The following RGS17 variants were observed in gnomAD, a reference collection of about 807,000 sequenced individuals.
RGS17 encodes regulator of G-protein signaling 17.
Under a neutral mutation model 25.5 loss-of-function variants are expected in RGS17, and 12 were observed. That is an observed-to-expected ratio of 0.47 (90% confidence interval 0.30 to 0.76). The LOEUF (loss-of-function observed/expected upper bound fraction) is 0.76, where lower values mean the gene tolerates loss of function less well. Among genes scored for constraint, RGS17 ranks in the 30% least tolerant of loss-of-function variants. The probability of loss-of-function intolerance (pLI) is 0.07; values close to 1 mark genes in which losing one functional copy is unlikely to be tolerated. For synonymous variants in RGS17, 71 were observed against 76.9 expected (o/e 0.92, Z 0.40); for missense variants, 196 against 242.2 (o/e 0.81, Z 1.27).
intron 1 of RGS17, among the ~76,000 whole-genome samples, chr6:153,045,305 G>A (rs868531170): frequency 2.6e-5 from 4 of 152,194 alleles, no homozygotes; most frequent in Admixed American, 6.5e-5. Context: ...GGAGGAGTGG[G>A]AGTCTGATTC....
At chr6:153,056,838 CTGTGTGTGTGTGTGTGTGTGTGTGTG>C (rs59058708) in intron 1 of RGS17, among the ~76,000 whole-genome samples, 3 of 144,384 alleles carry the variant, frequency 2.1e-5, no homozygotes, top group Non-Finnish European at 4.6e-5. Context: ...AGAGGAAGGG[CTGTGTGTGTGTGTGTGTGTGTGTGTG>C]TGTGTGTGTG....
intron 1 of RGS17, among the ~76,000 whole-genome samples, chr6:153,098,553 C>T (rs1221566015): frequency 6.6e-6 from 1 of 152,040 alleles, no homozygotes; most frequent in Non-Finnish European, 1.5e-5. Flanking sequence ...TGGTCTCAGC[C>T]CCCCACATGG....
At chr6:153,116,466 C>A (rs1428425232) in intron 1 of RGS17, among the ~76,000 whole-genome samples, 2 of 152,324 alleles carry the variant, frequency 1.3e-5, no homozygotes, top group African/African-American at 2.4e-5. Context: ...CGCTTTTACA[C>A]TGTTGGTGGG....
chr6:153,111,106 C>G (rs1272494540), intron 1 of RGS17, among the ~76,000 whole-genome samples: 2 of 152,064 alleles, frequency 1.3e-5, no homozygotes, highest in Admixed American at 1.3e-4. Flanking sequence ...GTTCACTCCC[C>G]TGGAAAGGGG....
intron 1 of RGS17, among the ~76,000 whole-genome samples, chr6:153,104,421 A>G (rs1330859468): frequency 6.6e-6 from 1 of 152,244 alleles, no homozygotes; most frequent in Non-Finnish European, 1.5e-5. Flanking sequence ...GTGAAACCCA[A>G]GATAAATGAC....
chr6:153,101,627 C>T (rs1777304339), intron 1 of RGS17, among the ~76,000 whole-genome samples: 1 of 152,100 alleles, frequency 6.6e-6, no homozygotes, highest in Non-Finnish European at 1.5e-5. Context: ...GCTCTGCGTC[C>T]CCACCCAAGT....
chr6:153,090,431 T>G (rs1023097487), intron 1 of RGS17, among the ~76,000 whole-genome samples: 1 of 132,640 alleles, frequency 7.5e-6, no homozygotes, highest in African/African-American at 2.9e-5. Flanking sequence ...TGGGCAATAG[T>G]GAAACCTCAT....
chr6:153,020,521 T>C (rs1173274782), intron 4 of RGS17, among the ~76,000 whole-genome samples: 1 of 152,126 alleles, frequency 6.6e-6, no homozygotes, highest in Non-Finnish European at 1.5e-5. Context: ...TAAAATAAGG[T>C]AATGTAATTT....
chr6:153,076,083 C>G (rs886925962), intron 1 of RGS17, among the ~76,000 whole-genome samples: 2 of 152,032 alleles, frequency 1.3e-5, no homozygotes, highest in African/African-American at 4.8e-5. Flanking sequence ...AATACAAACA[C>G]AAATAAACCT....
chr6:153,090,851 G>GTATATATA (rs71017579), intron 1 of RGS17, among the ~76,000 whole-genome samples: 39 of 150,804 alleles, frequency 2.6e-4, no homozygotes, highest in African/African-American at 6.8e-4. Flanking sequence ...AAAAAACATA[G>GTATATATA]TATATATATA....
At chr6:153,090,431 T>C (rs1023097487) in intron 1 of RGS17, among the ~76,000 whole-genome samples, 4 of 132,592 alleles carry the variant, frequency 3.0e-5, no homozygotes, top group African/African-American at 1.2e-4. Flanking sequence ...TGGGCAATAG[T>C]GAAACCTCAT....
chr6:153,057,854 C>A (rs907688340), intron 1 of RGS17, among the ~76,000 whole-genome samples: 6 of 152,078 alleles, frequency 3.9e-5, no homozygotes, highest in African/African-American at 1.2e-4. Context: ...CAGTTCACAA[C>A]AGGATTCATG....
chr6:153,016,655 A>C (rs578239357), intron 4 of RGS17, among the ~76,000 whole-genome samples: 1 of 152,378 alleles, frequency 6.6e-6, no homozygotes, highest in South Asian at 2.1e-4. Flanking sequence ...TTAGTAATCT[A>C]TAACAAAAAT....
intron 1 of RGS17, among the ~76,000 whole-genome samples, chr6:153,110,992 G>A (rs990317130): frequency 1.3e-5 from 2 of 151,846 alleles, no homozygotes; most frequent in African/African-American, 2.4e-5. Context: ...CCTGGGTTTC[G>A]AGCACAAAAC....
chr6:153,013,342 C>T (rs1779153173), intron 4 of RGS17, among the ~76,000 whole-genome samples: 1 of 152,134 alleles, frequency 6.6e-6, no homozygotes, highest in South Asian at 2.1e-4. Flanking sequence ...TAATTGATGA[C>T]TATAGTGTGT....
chr6:153,076,595 T>C (rs1400681123), intron 1 of RGS17, among the ~76,000 whole-genome samples: 1 of 152,134 alleles, frequency 6.6e-6, no homozygotes, highest in Non-Finnish European at 1.5e-5. Context: ...AATCCTAAGG[T>C]GAGCCAAGGG....
At chr6:153,109,983 C>A (rs369421709) in intron 1 of RGS17, among the ~76,000 whole-genome samples, 6 of 152,224 alleles carry the variant, frequency 3.9e-5, no homozygotes, top group African/African-American at 1.2e-4. Context: ...AAATGATATA[C>A]TGTTTCCTAA....
intron 3 of RGS17, among the ~76,000 whole-genome samples, 193 bp downstream of exon 3, chr6:153,026,256 ATAACT>A (rs1779300454): frequency 6.6e-6 from 1 of 152,224 alleles, no homozygotes; most frequent in Non-Finnish European, 1.5e-5. Flanking sequence ...GTTTTAGCCA[ATAACT>A]TAACATAGCT....
At chr6:153,050,974 CAG>C (rs1369873761) in intron 1 of RGS17, among the ~76,000 whole-genome samples, 1 of 152,150 alleles carries the variant, frequency 6.6e-6, no homozygotes, top group Non-Finnish European at 1.5e-5. Context: ...AGGAAGAGGA[CAG>C]AGAGTTGGTT....
Sources: allele counts gnomAD v4.1 joint callset (sites outside exome capture counted in the v4.1 genomes callset), GRCh38; gene constraint gnomAD v4.1.1; transcripts MANE v1.5; gene names NCBI Gene and HGNC (gene_info 2026-07-23, HGNC 2026-07-21).